Variants in NMS observed in about 807,000 individuals in gnomAD.
NMS encodes neuromedin S, also known as neuromedin-S.
Under a neutral mutation model 32.2 loss-of-function variants are expected in NMS, and 30 were observed. The observed-to-expected ratio is 0.93, with a 90% confidence interval of 0.70 to 1.26. The LOEUF (loss-of-function observed/expected upper bound fraction) is 1.26, where lower values mean the gene tolerates loss of function less well. Ranked by LOEUF, NMS falls within the 50% of genes most tolerant of loss-of-function variation. NMS has a pLI of 0.00. For synonymous variants in NMS, 76 were observed against 58.5 expected (o/e 1.30, Z -1.37); for missense variants, 190 against 186.3 (o/e 1.02, Z -0.12).
intron 7 of NMS, 66 bp downstream of exon 7, chr2:100,480,597 C>T (rs1677200075): frequency 2.2e-5 from 34 of 1,563,062 alleles, no homozygotes; most frequent in Non-Finnish European, 3.0e-5. Context: ...TGGGGAAGTC[C>T]TTGGAGCCAG....
rs902648065 is a variant in NMS, at chr2:100,481,037, C to T, written c.373-89C>T. 4.5e-6 allele frequency: 6 copies of T among 1,333,450 alleles called. No individual in the cohort carries two copies. In the Admixed American group the frequency reaches 8.4e-5, roughly 19 times the overall value. 82.6% of individuals were successfully genotyped at this position (1,333,450 alleles called of 1,614,324 possible). On this transcript the variant is annotated intron_variant, in intron 7 of 9. Transcript: ENST00000376865. ...TGTTGGTGCCACTGGTCTGGGACCA[C>T]CCATTTTGAAAACTGTTCCTATAGA... is the stretch of plus-strand genomic sequence containing the variant.
chr2:100,477,154 A>G (rs1677125907), intron 3 of NMS, 90 bp from the exon 4 acceptor site: 2 of 1,040,520 alleles, frequency 1.9e-6, no homozygotes, highest in African/African-American at 3.2e-5. Context: ...AAATCCACTA[A>G]GGTCCATGGT....
intron 1 of NMS, among the ~76,000 whole-genome samples, chr2:100,471,948 A>C (rs995858854): frequency 1.3e-5 from 2 of 148,674 alleles, no homozygotes; most frequent in African/African-American, 5.0e-5. Context: ...TTTACCTCAT[A>C]TCTTATCATT....
chr2:100,482,097 G>A (rs570006129), intron 8 of NMS, among the ~76,000 whole-genome samples, 180 bp from the exon 9 acceptor site: 1 of 152,314 alleles, frequency 6.6e-6, no homozygotes, highest in East Asian at 1.9e-4. Flanking sequence ...CTGTCCCAGA[G>A]GACCTACGGA....
Position 100,481,703 on chromosome 2 carries a change from C to T in NMS, c.414+536C>T, listed in dbSNP as rs144287614. On this transcript the variant is annotated intron_variant, in intron 8 of 9. Transcript: ENST00000376865. ...GAAACTGCATTCTGTGAATCACTGG[C>T]GCTAAAAAGTATTCTGCAAAAGTCA... Among the ~76,000 whole-genome samples, 708 of 152,282 alleles carry T rather than the reference C, an allele frequency of 4.6e-3. 9 individuals carry two copies. Among genetic ancestry groups the T allele is most frequent in the African/African-American group, 0.016 (659 of 41,562 alleles).
At chr2:100,479,091 G>A (rs1300767401) in intron 5 of NMS, among the ~76,000 whole-genome samples, 2 of 152,188 alleles carry the variant, frequency 1.3e-5, no homozygotes, top group Admixed American at 1.3e-4. Flanking sequence ...GAGTGCTGAG[G>A]GTTAATGCAG....
At chr2:100,471,874 G>T (rs768331920) in intron 1 of NMS, among the ~76,000 whole-genome samples, 1 of 152,166 alleles carries the variant, frequency 6.6e-6, no homozygotes, top group Non-Finnish European at 1.5e-5. Context: ...TCTCAAAATA[G>T]TTGAAAGCAG....
chr2:100,482,765 C>G (rs1458660627), intron 9 of NMS, among the ~76,000 whole-genome samples: 1 of 152,202 alleles, frequency 6.6e-6, no homozygotes, highest in Non-Finnish European at 1.5e-5. Context: ...GCTGTTTCCC[C>G]CTTCCAATGG....
In NMS at chr2:100,479,445, T is replaced by A; in HGVS notation, c.336+18T>A. On this transcript the variant is annotated intron_variant, in intron 6 of 9. Transcript: ENST00000376865. ...TGCAGCGAGTACGTGCTTTTATTCT[T>A]CCACCATAGTTTATGCCCCTCACAG... The A allele has an allele frequency of 6.2e-7, 1 of 1,602,774 alleles. No homozygotes were observed. Among genetic ancestry groups the A allele is most frequent in the Non-Finnish European group, 8.5e-7 (1 of 1,173,140 alleles).
chr2:100,482,220 A>T, intron 8 of NMS, 57 bp from the exon 9 acceptor site: 2 of 1,527,112 alleles, frequency 1.3e-6, no homozygotes, highest in Non-Finnish European at 1.8e-6. Flanking sequence ...CGGAATCAAG[A>T]TACAGGCTGC....
chr2:100,480,368 A>T, intron 6 of NMS, 128 bp from the exon 7 acceptor site: 1 of 906,786 alleles, frequency 1.1e-6, no homozygotes, highest in Non-Finnish European at 1.8e-6. Flanking sequence ...CATGCTCTCC[A>T]CCTCCTCTTT....
At chr2:100,472,693 TTTA>T (rs1677024720) in intron 1 of NMS, 99 bp from the exon 2 acceptor site, 3 of 716,586 alleles carry the variant, frequency 4.2e-6, no homozygotes, top group Non-Finnish European at 7.1e-6. Context: ...TCTTTGGTGG[TTTA>T]TTATTTTAAC....
At chr2:100,478,823 C>A (rs1677160736) in intron 5 of NMS, among the ~76,000 whole-genome samples, 1 of 152,096 alleles carries the variant, frequency 6.6e-6, no homozygotes, top group African/African-American at 2.4e-5. Flanking sequence ...AACAAACAAA[C>A]AAAAAAACTG....
intron 5 of NMS, among the ~76,000 whole-genome samples, 165 bp from the exon 6 acceptor site, chr2:100,479,187 GA>G: frequency 6.6e-6 from 1 of 152,308 alleles, no homozygotes; most frequent in Non-Finnish European, 1.5e-5. Flanking sequence ...GCTCTTTATT[GA>G]AAACATAAAA....
At position 100,479,428 on chromosome 2, in the gene NMS, G is replaced by C. The variant is rs753493681; in HGVS notation, c.336+1G>C. The C allele has an allele frequency of 6.2e-7, 1 of 1,609,056 alleles. No homozygotes were observed. The highest frequency in any genetic ancestry group is 8.5e-7 in the Non-Finnish European group (1 of 1,177,580). On this transcript the variant is annotated splice_donor_variant, in intron 6 of 9. Coordinates refer to ENST00000376865, the MANE Select transcript of NMS (RefSeq NM_001011717.1). LOFTEE classifies it high-confidence loss of function. ...GCGGATGAAGAGAATTCTGCAGCGA[G>C]TACGTGCTTTTATTCTTCCACCATA...
chr2:100,479,893 GT>G (rs1215354196), intron 6 of NMS, among the ~76,000 whole-genome samples: 1 of 152,124 alleles, frequency 6.6e-6, no homozygotes, highest in Non-Finnish European at 1.5e-5. Flanking sequence ...GGTAATCAAA[GT>G]TTTGTTTCAT....
chr2:100,480,989 A>G (rs1677206234), intron 7 of NMS, 137 bp from the exon 8 acceptor site: 2 of 847,248 alleles, frequency 2.4e-6, no homozygotes, highest in Non-Finnish European at 4.0e-6. Flanking sequence ...AAGAGTTTGT[A>G]TTTCTTACAA....
chr2:100,471,049 A>G lies in NMS; in HGVS notation c.76+485A>G, dbSNP rs530679764. Among the ~76,000 whole-genome samples the G allele has an allele frequency of 7.2e-5, 11 of 152,352 alleles. No individual in the cohort carries two copies. In the South Asian group the frequency reaches 2.3e-3, roughly 32 times the overall value. Reference sequence around the variant, plus strand: ...CCTTTCCATTGGGTTTTAGAGAAGCAGGGTTCCAGAGTGTACCGGAAGCCG... The same window carrying G: ...CCTTTCCATTGGGTTTTAGAGAAGCGGGGTTCCAGAGTGTACCGGAAGCCG... On this transcript the variant is annotated intron_variant, in intron 1 of 9. Coordinates refer to ENST00000376865, the MANE Select transcript of NMS (RefSeq NM_001011717.1).
chr2:100,479,554 G>A lies in NMS; in HGVS notation c.336+127G>A, dbSNP rs1677176928. The A allele has an allele frequency of 5.0e-6, 4 of 804,704 alleles. No homozygotes were observed. The Admixed American group carries it at 1.0e-4, about 21-fold the overall frequency. 49.8% of individuals were successfully genotyped at this position (804,704 alleles called of 1,614,324 possible). ...CAAATCTTAGTCTCCACCTTGGCAG[G>A]GAGCACTGAGCAGAACTGCTGGTCC... On this transcript the variant is annotated intron_variant, in intron 6 of 9. Transcript: ENST00000376865.
Sources: gnomAD v4.1 joint callset for allele counts (sites outside exome capture counted in the v4.1 genomes callset) on GRCh38, gnomAD v4.1.1 for gene constraint, MANE v1.5 for transcripts, NCBI Gene and HGNC (gene_info 2026-07-23, HGNC 2026-07-21) for gene names.